Variants in NETO2 observed in about 807,000 individuals in gnomAD.
The protein encoded by NETO2 is neuropilin and tolloid like 2, also known as neuropilin and tolloid-like protein 2.
A neutral mutation model predicts 62.5 loss-of-function variants in NETO2; 28 were observed. The ratio of observed to expected loss-of-function variants is 0.45; its 90% CI spans 0.33 to 0.61. The LOEUF (loss-of-function observed/expected upper bound fraction) is 0.61, where lower values mean the gene tolerates loss of function less well. Ranked by LOEUF, NETO2 falls within the 20% of genes least tolerant of loss-of-function variation. NETO2 has a pLI of 0.02. For synonymous variants in NETO2, 214 were observed against 219.1 expected, an observed-to-expected ratio of 0.98 and a Z score of 0.21; for missense variants, 548 against 643.2, an observed-to-expected ratio of 0.85 and a Z score of 1.60.
At chr16:47,141,152 A>G (rs1964454860) in intron 1 of NETO2, among the ~76,000 whole-genome samples, 1 of 152,264 alleles carries the variant, frequency 6.6e-6, no homozygotes, top group Non-Finnish European at 1.5e-5. Flanking sequence ...ATCTTAAAGA[A>G]CTAAAATTAC....
chr16:47,084,339 A>G (rs1172638348), intron 8 of NETO2, among the ~76,000 whole-genome samples: 1 of 152,212 alleles, frequency 6.6e-6, no homozygotes, highest in African/African-American at 2.4e-5. Context: ...ACAGTAAGAT[A>G]TTTATTGAAC....
intron 1 of NETO2, among the ~76,000 whole-genome samples, chr16:47,139,368 T>C (rs1964421611): frequency 1.3e-5 from 2 of 152,068 alleles, no homozygotes; most frequent in Admixed American, 1.3e-4. Flanking sequence ...CCCCCCACCC[T>C]CCTGAGATAC....
chr16:47,117,648 T>C (rs1228746058), intron 6 of NETO2, among the ~76,000 whole-genome samples: 1 of 152,214 alleles, frequency 6.6e-6, no homozygotes, highest in African/African-American at 2.4e-5. Context: ...ACAGTGATTA[T>C]TTGTTAAAAA....
chr16:47,095,739 A>C (rs1421751031), intron 7 of NETO2, among the ~76,000 whole-genome samples: 1 of 152,190 alleles, frequency 6.6e-6, no homozygotes, highest in African/African-American at 2.4e-5. Context: ...TTGCACTTTC[A>C]ATAAAGGATA....
chr16:47,126,075 T>A (rs1964151902), intron 4 of NETO2, among the ~76,000 whole-genome samples: 1 of 152,152 alleles, frequency 6.6e-6, no homozygotes, highest in African/African-American at 2.4e-5. Context: ...ATAAATGGAG[T>A]CATATTTGTG....
intron 6 of NETO2, among the ~76,000 whole-genome samples, chr16:47,113,171 C>T (rs958889645): frequency 5.9e-5 from 9 of 152,204 alleles, no homozygotes. Flanking sequence ...TCCGAAATAG[C>T]TCTCCAAAGT....
In NETO2 at chr16:47,122,671, T is replaced by C. The variant is rs570799159; in HGVS notation, c.640A>G (p.Thr214Ala). The C allele has an allele frequency of 1.2e-6, 2 of 1,613,896 alleles. No individual in the cohort carries two copies. Among genetic ancestry groups the C allele is most frequent in the South Asian group, 2.2e-5 (2 of 91,028 alleles). The change falls in exon 6 of 9, where the codon ACT becomes GCT. Residue 214 changes from threonine to alanine, a missense_variant. Coordinates refer to ENST00000562435, the MANE Select transcript of NETO2 (RefSeq NM_018092.5). ...CATAATAATACCTTAGCTTTTGGAG[T>C]GGCTTTAATGGTCCAGATGCAATCA... Reference protein sequence around the residue: ...AVDCIWTIKATPKAKIYLRFL... With the variant: ...AVDCIWTIKAAPKAKIYLRFL...
chr16:47,143,351 G>A (rs1311877165), intron 1 of NETO2, among the ~76,000 whole-genome samples: 1 of 151,974 alleles, frequency 6.6e-6, no homozygotes, highest in Non-Finnish European at 1.5e-5. Flanking sequence ...CACGCGCCCC[G>A]CGAACGTCGG....
At chr16:47,114,321 AAAG>A (rs1963861938) in intron 6 of NETO2, among the ~76,000 whole-genome samples, 1 of 147,552 alleles carries the variant, frequency 6.8e-6, no homozygotes, top group Non-Finnish European at 1.5e-5. Context: ...GTTCTGGATG[AAAG>A]AAATCTTTTC....
chr16:47,106,219 TTA>T (rs558944528), intron 7 of NETO2, among the ~76,000 whole-genome samples: 4 of 152,018 alleles, frequency 2.6e-5, no homozygotes, highest in Non-Finnish European at 4.4e-5. Flanking sequence ...AGGACAAATA[TTA>T]TATGATTCTA....
At chr16:47,096,978 G>A (rs537131177) in intron 7 of NETO2, among the ~76,000 whole-genome samples, 5 of 152,156 alleles carry the variant, frequency 3.3e-5, no homozygotes, top group Non-Finnish European at 7.4e-5. Flanking sequence ...ATGAGGGAAC[G>A]GCGCATTCTG....
chr16:47,096,157 A>C (rs1963423241), intron 7 of NETO2, among the ~76,000 whole-genome samples: 1 of 152,180 alleles, frequency 6.6e-6, no homozygotes, highest in South Asian at 2.1e-4. Context: ...CAGAGTACTA[A>C]AAGCAGTAGT....
At chr16:47,132,054 T>C (rs1410308254) in intron 1 of NETO2, 29 bp from the exon 2 acceptor site, 7 of 1,536,908 alleles carry the variant, frequency 4.6e-6, no homozygotes, top group Non-Finnish European at 6.3e-6. Context: ...AGAAAAGTTA[T>C]GAAATTGAAT....
intron 4 of NETO2, among the ~76,000 whole-genome samples, chr16:47,125,295 C>CCTGTCTTT (rs1555498937): frequency 3.3e-5 from 5 of 151,936 alleles, no homozygotes; most frequent in Non-Finnish European, 7.4e-5. Context: ...GGCAGGATAT[C>CCTGTCTTT]CTGTCTTTCT....
At chr16:47,121,744 C>T (rs1964044758) in intron 6 of NETO2, among the ~76,000 whole-genome samples, 1 of 152,162 alleles carries the variant, frequency 6.6e-6, no homozygotes, top group Non-Finnish European at 1.5e-5. Flanking sequence ...GTATGTCTAC[C>T]CCTGTGCAGT....
chr16:47,083,709 T>C lies in NETO2; in HGVS notation c.1090A>G (p.Ile364Val). The change falls in exon 9 of 9, where the codon ATT becomes GTT. Residue 364 changes from isoleucine to valine, a missense_variant. Ile to Val is a conservative substitution (Grantham distance 29). Coordinates refer to ENST00000562435, the MANE Select transcript of NETO2 (RefSeq NM_018092.5). Reference sequence around the variant, plus strand: ...TGTTTCACTTGTACTAAAATAGAAATAATGAGAAGGACCAAGACAATCCCT... The same window carrying C: ...TGTTTCACTTGTACTAAAATAGAAACAATGAGAAGGACCAAGACAATCCCT... Reference protein sequence around the residue: ...TSGIVLVLLIISILVQVKQPR... With the variant: ...TSGIVLVLLIVSILVQVKQPR... 1 of 1,614,154 alleles carries C rather than the reference T, an allele frequency of 6.2e-7. No individual in the cohort carries two copies. Among genetic ancestry groups the C allele is most frequent in the Non-Finnish European group, 8.5e-7 (1 of 1,180,008 alleles).
At chr16:47,137,020 A>G (rs1380306559) in intron 1 of NETO2, among the ~76,000 whole-genome samples, 1 of 152,230 alleles carries the variant, frequency 6.6e-6, no homozygotes, top group Non-Finnish European at 1.5e-5. Context: ...AAACATACAT[A>G]CATATATACA....
chr16:47,110,597 A>C (rs1963775568), intron 6 of NETO2, among the ~76,000 whole-genome samples: 1 of 152,168 alleles, frequency 6.6e-6, no homozygotes, highest in Non-Finnish European at 1.5e-5. Flanking sequence ...ATACTCACAC[A>C]GTGTTCCCTG....
intron 6 of NETO2, among the ~76,000 whole-genome samples, chr16:47,114,484 T>C (rs1963869802): frequency 7.7e-6 from 1 of 129,824 alleles, no homozygotes; most frequent in Non-Finnish European, 1.6e-5. Flanking sequence ...GGAGTCTCGC[T>C]CTGTTGCCCA....
Sources: gnomAD v4.1 joint callset for allele counts (sites outside exome capture counted in the v4.1 genomes callset) on GRCh38, gnomAD v4.1.1 for gene constraint, MANE v1.5 for transcripts, NCBI Gene and HGNC (gene_info 2026-07-23, HGNC 2026-07-21) for gene names.